SH3GL1: variants seen among roughly 807,000 people sequenced by gnomAD.
SH3GL1 encodes endophilin-A2.
SH3GL1 carries 21 observed loss-of-function variants against 48.8 expected under a neutral mutation model. The observed-to-expected ratio is 0.43, with a 90% CI of 0.30 to 0.62. The LOEUF (loss-of-function observed/expected upper bound fraction) is 0.62. SH3GL1 is among the 20% of genes least tolerant of loss of function. The probability of loss-of-function intolerance (pLI) is 0.11; values close to 1 mark genes in which losing one functional copy is unlikely to be tolerated. For synonymous variants in SH3GL1, 282 were observed against 217.5 expected (o/e 1.30, Z -2.61); for missense variants, 454 against 503.0 (o/e 0.90, Z 0.93).
intron 9 of SH3GL1, 107 bp from the exon 10 acceptor site, chr19:4,361,903 C>G: frequency 3.8e-6 from 3 of 792,850 alleles, no homozygotes; most frequent in South Asian, 1.6e-5. Context: ...GCATGGGCCT[C>G]CCCTCTGCCC....
chr19:4,393,970 C>A (rs125717), intron 1 of SH3GL1, among the ~76,000 whole-genome samples: 49,594 of 151,272 alleles, frequency 0.33, 8,610 homozygotes, highest in East Asian at 0.59. Context: ...CCCCAACCCC[C>A]CTGGCCTCTC....
At chr19:4,371,008 T>C (rs141659033) in intron 1 of SH3GL1, among the ~76,000 whole-genome samples, 31 of 152,364 alleles carry the variant, frequency 2.0e-4, no homozygotes, top group Middle Eastern at 3.4e-3. Flanking sequence ...GCATGCCGCA[T>C]GGATTTTCTG....
rs1252227005 is a variant in SH3GL1, at chr19:4,360,395, T to C, written c.*1205A>G. The C allele has an allele frequency of 1.2e-5, 3 of 250,134 alleles. No homozygotes were observed. Among genetic ancestry groups the C allele is most frequent in the Non-Finnish European group, 2.3e-5 (3 of 128,470 alleles). 15.5% of individuals were successfully genotyped at this position (250,134 alleles called of 1,614,324 possible). On this transcript the variant is annotated 3_prime_UTR_variant, in exon 10 of 10. Transcript: ENST00000269886. ...TGTAGAAAGAGACATTTAATACTTC[T>C]GTTTACAAAATTCAGGCGTACATTT...
chr19:4,383,969 C>T (rs1197712751), intron 1 of SH3GL1, among the ~76,000 whole-genome samples: 2 of 152,202 alleles, frequency 1.3e-5, no homozygotes, highest in Non-Finnish European at 2.9e-5. Context: ...TGCTGCTCTG[C>T]ACTTGTCTGC....
chr19:4,374,864 C>T (rs896773362), intron 1 of SH3GL1, among the ~76,000 whole-genome samples: 1 of 152,148 alleles, frequency 6.6e-6, no homozygotes, highest in Non-Finnish European at 1.5e-5. Context: ...GCCTGGTGGC[C>T]GTATGGGGCC....
At chr19:4,375,093 C>A (rs1415170450) in intron 1 of SH3GL1, among the ~76,000 whole-genome samples, 4 of 152,214 alleles carry the variant, frequency 2.6e-5, no homozygotes, top group African/African-American at 9.6e-5. Context: ...ACGAGACCCA[C>A]CTGCCCCTCC....
chr19:4,362,316 T>C lies in SH3GL1; in HGVS notation c.910+13A>G, dbSNP rs758109553. 1 of 1,609,880 alleles carries C rather than the reference T, an allele frequency of 6.2e-7. No homozygotes were observed. The highest frequency in any genetic ancestry group is 8.5e-7 in the Non-Finnish European group (1 of 1,177,874). ...GGCAGCACTGAGGTCGAGGCGGGCCTGGGAACACTCACGCATGCTCCGGCT... is the reference window on the plus strand; with the variant it reads ...GGCAGCACTGAGGTCGAGGCGGGCCCGGGAACACTCACGCATGCTCCGGCT... On this transcript the variant is annotated intron_variant, in intron 9 of 9. Coordinates refer to ENST00000269886, the MANE Select transcript of SH3GL1 (RefSeq NM_003025.4).
intron 1 of SH3GL1, among the ~76,000 whole-genome samples, chr19:4,386,271 C>T (rs186121761): frequency 6.6e-6 from 1 of 152,212 alleles, no homozygotes; most frequent in East Asian, 1.9e-4. Flanking sequence ...CAAGGGATTG[C>T]GGCGAGGGCG....
At chr19:4,390,783 C>T (rs1319933082) in intron 1 of SH3GL1, among the ~76,000 whole-genome samples, 1 of 151,992 alleles carries the variant, frequency 6.6e-6, no homozygotes, top group Non-Finnish European at 1.5e-5. Flanking sequence ...TTCCAACCCT[C>T]CCGGCACTTA....
chr19:4,383,246 G>T (rs1452893491), intron 1 of SH3GL1, among the ~76,000 whole-genome samples: 1 of 145,968 alleles, frequency 6.9e-6, no homozygotes, highest in Non-Finnish European at 1.5e-5. Flanking sequence ...ACCAGGTCTT[G>T]CTCTGTCACC....
intron 1 of SH3GL1, among the ~76,000 whole-genome samples, chr19:4,391,908 C>T (rs191478790): frequency 6.6e-6 from 1 of 152,356 alleles, no homozygotes; most frequent in Admixed American, 6.5e-5. Context: ...TCAAGGCACA[C>T]ACCAGTACAT....
intron 1 of SH3GL1, chr19:4,390,502 CAGAA>C (rs1396472977): frequency 1.3e-5 from 2 of 150,916 alleles, no homozygotes; most frequent in Non-Finnish European, 2.9e-5. Flanking sequence ...AGAGTGAGAA[CAGAA>C]AGAGAGGAAG....
At chr19:4,386,623 C>G (rs1973241058) in intron 1 of SH3GL1, among the ~76,000 whole-genome samples, 1 of 151,696 alleles carries the variant, frequency 6.6e-6, no homozygotes, top group South Asian at 2.1e-4. Flanking sequence ...CAGGCACGAG[C>G]CACCGTGCCC....
chr19:4,383,434 T>C (rs545090596), intron 1 of SH3GL1, among the ~76,000 whole-genome samples: 3 of 151,972 alleles, frequency 2.0e-5, no homozygotes, highest in Admixed American at 1.3e-4. Context: ...GGGTTTCACT[T>C]TGTTGCCCAT....
At chr19:4,365,745 C>T (rs2144865812) in intron 3 of SH3GL1, 120 bp from the exon 4 acceptor site, 2 of 1,369,046 alleles carry the variant, frequency 1.5e-6, no homozygotes, top group Non-Finnish European at 2.1e-6. Flanking sequence ...CAGCCTAGGC[C>T]ACACAAAGCA....
intron 1 of SH3GL1, among the ~76,000 whole-genome samples, chr19:4,374,334 G>A (rs1487916566): frequency 6.6e-6 from 1 of 152,202 alleles, no homozygotes; most frequent in South Asian, 2.1e-4. Context: ...GACCATCCCC[G>A]AGAGAGAAAG....
chr19:4,383,519 C>T lies in SH3GL1; in HGVS notation c.46-16525G>A, dbSNP rs1169014284. On this transcript the variant is annotated intron_variant, in intron 1 of 9. Coordinates refer to ENST00000269886, the MANE Select transcript of SH3GL1 (RefSeq NM_003025.4). ...AAAGTGCTGGGTGACAGGCATGAGC[C>T]GCTGCACCTGTCCTTTATGCGTATT... 3.3e-5 allele frequency among the ~76,000 whole-genome samples: 5 copies of T among 152,136 alleles called. No homozygotes were observed. In the South Asian group the frequency reaches 8.3e-4, roughly 25 times the overall value.
At chr19:4,362,517 G>C in intron 8 of SH3GL1, 95 bp downstream of exon 8, 2 of 1,588,310 alleles carry the variant, frequency 1.3e-6, no homozygotes, top group South Asian at 2.2e-5. Context: ...GCTGCACCCA[G>C]GAGTCTGGCG....
At chr19:4,393,678 T>G (rs958664532) in intron 1 of SH3GL1, among the ~76,000 whole-genome samples, 10 of 151,692 alleles carry the variant, frequency 6.6e-5, no homozygotes, top group African/African-American at 1.9e-4. Flanking sequence ...TAATCCCAGC[T>G]ACTCAGGAGG....
Sources: gnomAD v4.1 joint callset for allele counts (sites outside exome capture counted in the v4.1 genomes callset) on GRCh38, gnomAD v4.1.1 for gene constraint, MANE v1.5 for transcripts, NCBI Gene and HGNC (gene_info 2026-07-23, HGNC 2026-07-21) for gene names.